Variants in DYRK4 observed in about 807,000 individuals in gnomAD.
DYRK4 encodes the protein dual specificity tyrosine-phosphorylation-regulated kinase 4.
In DYRK4, 64 loss-of-function variants were observed where a neutral mutation model predicts 68.3. That is an observed-to-expected ratio of 0.94 (90% CI 0.77 to 1.15). DYRK4 has a LOEUF of 1.15. Ranked by LOEUF, DYRK4 falls within the 50% of genes most tolerant of loss-of-function variation. The probability of loss-of-function intolerance (pLI) is 0.00; values close to 1 mark genes in which losing one functional copy is unlikely to be tolerated. For synonymous variants in DYRK4, 274 were observed against 289.9 expected, an observed-to-expected ratio of 0.95 and a Z score of 0.56; for missense variants, 740 against 764.7, an observed-to-expected ratio of 0.97 and a Z score of 0.38.
chr12:4,595,781 C>A (rs575068573), intron 6 of DYRK4, among the ~76,000 whole-genome samples: 1 of 152,288 alleles, frequency 6.6e-6, no homozygotes, highest in Non-Finnish European at 1.5e-5. Context: ...CTTTCAGGGC[C>A]GCTTTTTCCA....
intron 11 of DYRK4, among the ~76,000 whole-genome samples, chr12:4,605,743 T>G (rs1042262058): frequency 2.8e-5 from 4 of 142,604 alleles, no homozygotes; most frequent in African/African-American, 1.1e-4. Flanking sequence ...TTTTTTTTTT[T>G]TTTTTTTTTT....
intron 12 of DYRK4, 118 bp from the exon 13 acceptor site, chr12:4,610,037 G>C (rs1945199915): frequency 1.4e-6 from 1 of 735,780 alleles, no homozygotes; most frequent in East Asian, 3.0e-5. Flanking sequence ...GGTGTGGCAT[G>C]AGGCGAGTGT....
chr12:4,587,823 A>G (rs747639683), intron 2 of DYRK4, among the ~76,000 whole-genome samples: 5 of 152,174 alleles, frequency 3.3e-5, no homozygotes, highest in Admixed American at 3.3e-4. Context: ...TTGTTATTTC[A>G]GTGTGGCCAA....
intron 1 of DYRK4, among the ~76,000 whole-genome samples, chr12:4,566,384 C>CA (rs1338552556): frequency 6.6e-6 from 1 of 152,184 alleles, no homozygotes; most frequent in East Asian, 1.9e-4. Flanking sequence ...CTGGAAAAAA[C>CA]AATGTTCTTT....
At chr12:4,564,650 C>G (rs1944659259) in intron 1 of DYRK4, among the ~76,000 whole-genome samples, 1 of 152,202 alleles carries the variant, frequency 6.6e-6, no homozygotes, top group Non-Finnish European at 1.5e-5. Flanking sequence ...TCCTTGAAAA[C>G]AAGGCTTCTG....
In DYRK4 at chr12:4,612,408, A is replaced by G. The variant is rs1945232683; in HGVS notation, c.1491-135A>G. 3 of 936,124 alleles carry G rather than the reference A, an allele frequency of 3.2e-6. No individual in the cohort carries two copies. The South Asian group carries it at 6.0e-5, about 19-fold the overall frequency. 58.0% of individuals were successfully genotyped at this position (936,124 alleles called of 1,614,324 possible). ...AGGTACTTTTAAGTTATATGCCATA[A>G]TCTCTGTTCTATGATTATATATCTT... is the stretch of plus-strand genomic sequence containing the variant. On this transcript the variant is annotated intron_variant, in intron 13 of 14. Transcript: ENST00000543431.
Position 4,593,094 on chromosome 12 carries a change from A to G in DYRK4, c.556A>G (p.Lys186Glu). Residue 186 changes from lysine to glutamate, a missense_variant, in exon 6 of 15, where the codon AAG (lysine) becomes GAG (glutamate). Around this residue, in one of 3 missense-constraint regions of DYRK4, gnomAD observed 614 missense variants for 603.7 expected, o/e 1.02. Coordinates refer to ENST00000543431, the MANE Select transcript of DYRK4 (RefSeq NM_001394779.1). ...GCTGTGGTTCCTGGGTCTTGAAGCC[A>G]AGAAGCTCGACACGGCTCCTGAGAA... ...AELWFLGLEA[K>E]KLDTAPEKFS... 6.2e-7 allele frequency: 1 copy of G among 1,614,228 alleles called. No homozygotes were observed. Among genetic ancestry groups the G allele is most frequent in the Non-Finnish European group, 8.5e-7 (1 of 1,180,020 alleles).
intron 2 of DYRK4, among the ~76,000 whole-genome samples, chr12:4,571,992 T>C (rs946314658): frequency 6.6e-6 from 1 of 152,202 alleles, no homozygotes; most frequent in Admixed American, 6.5e-5. Flanking sequence ...ATTTATTTCC[T>C]CTACAAGTAT....
At chr12:4,599,656 G>T (rs1175779886) in intron 9 of DYRK4, 51 bp from the exon 10 acceptor site, 1 of 1,421,094 alleles carries the variant, frequency 7.0e-7, no homozygotes, top group East Asian at 2.3e-5. Context: ...GTAAGTAGAG[G>T]GCCTAGGGCC....
Position 4,573,513 on chromosome 12 carries a change from TAATC to T in DYRK4, c.132+5467_132+5470del, listed in dbSNP as rs201323113. ...GGGGCATGTCTCTGAGTACAAGAAT[TAATC>T]AGAGCAATAGTCACTTCTATTGAAA... On this transcript the variant is annotated intron_variant, in intron 2 of 14. Transcript: ENST00000543431. Among the ~76,000 whole-genome samples the T allele has an allele frequency of 9.4e-3, 1,431 of 152,296 alleles. 23 individuals are homozygous for T. The highest frequency in any genetic ancestry group is 0.032 in the African/African-American group (1,312 of 41,554).
intron 11 of DYRK4, 43 bp downstream of exon 11, chr12:4,605,129 C>A: frequency 1.3e-6 from 2 of 1,571,044 alleles, no homozygotes; most frequent in Admixed American, 1.7e-5. Flanking sequence ...AGACCGTGGG[C>A]TTGGCCCTCA....
chr12:4,610,634 T>G (rs1236413308), intron 13 of DYRK4: 1 of 161,112 alleles, frequency 6.2e-6, no homozygotes, highest in African/African-American at 2.4e-5. Context: ...CCTAAATGTC[T>G]TCTGCTCTGT....
intron 13 of DYRK4, among the ~76,000 whole-genome samples, chr12:4,611,182 GA>G (rs779663853): frequency 7.2e-5 from 11 of 152,148 alleles, no homozygotes; most frequent in Non-Finnish European, 1.6e-4. Flanking sequence ...GTGCTCTCTG[GA>G]ATTTCAGTAC....
At chr12:4,576,316 G>A (rs1944789153) in intron 2 of DYRK4, among the ~76,000 whole-genome samples, 1 of 152,124 alleles carries the variant, frequency 6.6e-6, no homozygotes. Context: ...TAGCAGTAAT[G>A]TCCTCCATGT....
At chr12:4,602,818 G>A in intron 10 of DYRK4, 1 of 1,393,310 alleles carries the variant, frequency 7.2e-7, no homozygotes, top group Non-Finnish European at 1.0e-6. Flanking sequence ...TAAGTGACAG[G>A]AGCATATTTT....
chr12:4,586,735 C>CAGAG (rs71061194), intron 2 of DYRK4, among the ~76,000 whole-genome samples: 1 of 151,364 alleles, frequency 6.6e-6, no homozygotes. Context: ...CACACACAGA[C>CAGAG]ACACACACAC....
chr12:4,566,117 T>G (rs1249550820), intron 1 of DYRK4, among the ~76,000 whole-genome samples: 3 of 152,242 alleles, frequency 2.0e-5, no homozygotes, highest in Non-Finnish European at 4.4e-5. Flanking sequence ...TTCATACTTC[T>G]ATCCCCACTG....
At position 4,596,134 on chromosome 12, in the gene DYRK4, G is replaced by A. The variant is rs1452929786; in HGVS notation, c.628-15G>A. ...CCCATGGCTTTGCTCTTCACCTCCG[G>A]CCTGGCTTCCACAGGTCCTGCATGA... On this transcript the variant is annotated splice_polypyrimidine_tract_variant and intron_variant, in intron 6 of 14. Coordinates refer to ENST00000543431, the MANE Select transcript of DYRK4 (RefSeq NM_001394779.1). The A allele has an allele frequency of 6.2e-7, 1 of 1,613,374 alleles. No homozygotes were observed. The highest frequency in any genetic ancestry group is 1.1e-5 in the South Asian group (1 of 90,992).
chr12:4,573,505 A>G, intron 2 of DYRK4: 1 of 760,756 alleles, frequency 1.3e-6, no homozygotes, highest in Non-Finnish European at 1.9e-6. Flanking sequence ...GTCTCTGAGT[A>G]CAAGAATTAA....
Sources: allele counts gnomAD v4.1 joint callset (sites outside exome capture counted in the v4.1 genomes callset), GRCh38; gene constraint gnomAD v4.1.1; regional missense constraint gnomAD v4.1.1; transcripts MANE v1.5; gene names NCBI Gene and HGNC (gene_info 2026-07-23, HGNC 2026-07-21).